Variants in AFG3L2 observed in about 807,000 individuals in gnomAD.
AFG3L2 encodes the protein mitochondrial inner membrane m-AAA protease component AFG3L2.
In AFG3L2, 54 loss-of-function variants were observed where a neutral mutation model predicts 94.5. That is an observed-to-expected ratio of 0.57 (90% CI 0.46 to 0.72). The LOEUF is 0.72. Among genes scored for constraint, AFG3L2 ranks in the 30% least tolerant of loss-of-function variants. AFG3L2 has a pLI of 0.00. For missense variants in AFG3L2, 754 were observed against 994.9 expected (o/e 0.76, Z 3.26); for synonymous variants, 377 against 365.5 (o/e 1.03, Z -0.36).
chr18:12,367,360 T>G lies in AFG3L2; in HGVS notation c.315A>C (p.Thr105=). ...CACCACCTCCTCCTCCAGAAGAGCG[T>G]GTGGTAGCAGCTGGCTTTGATTCTG... The part of the protein sequence containing the change: ...EKKESKPAAT[T]RSSGGGGGGG... Residue 105 remains threonine, a synonymous_variant, in exon 4 of 17, where the codon ACA becomes ACC. Coordinates refer to ENST00000269143, the MANE Select transcript of AFG3L2 (RefSeq NM_006796.3). 1 of 1,614,182 alleles carries G rather than the reference T, an allele frequency of 6.2e-7. No individual in the cohort carries two copies. The highest frequency in any genetic ancestry group is 1.1e-5 in the South Asian group (1 of 91,084).
intron 15 of AFG3L2, among the ~76,000 whole-genome samples, chr18:12,338,923 G>A (rs1286162068): frequency 6.6e-6 from 1 of 152,014 alleles, no homozygotes; most frequent in Non-Finnish European, 1.5e-5. Context: ...AAGCCACCAC[G>A]CCCAGCCTGA....
At chr18:12,350,286 C>T (rs1353076708) in intron 12 of AFG3L2, among the ~76,000 whole-genome samples, 1 of 152,178 alleles carries the variant, frequency 6.6e-6, no homozygotes, top group Admixed American at 6.5e-5. Context: ...GCTGGTATTA[C>T]AGGTGTGAGC....
intron 15 of AFG3L2, 124 bp downstream of exon 15, chr18:12,340,077 T>C (rs1907898241): frequency 1.1e-6 from 1 of 906,098 alleles, no homozygotes; most frequent in Admixed American, 1.8e-5. Context: ...TAAGAGATAA[T>C]CCTTGCCTAA....
At chr18:12,346,610 A>G (rs1908144228) in intron 13 of AFG3L2, among the ~76,000 whole-genome samples, 1 of 152,084 alleles carries the variant, frequency 6.6e-6, no homozygotes, top group Admixed American at 6.6e-5. Context: ...CTCCTAAAAT[A>G]CCATCGATCA....
At chr18:12,367,570 G>A (rs1181522743) in intron 3 of AFG3L2, among the ~76,000 whole-genome samples, 188 bp from the exon 4 acceptor site, 1 of 152,162 alleles carries the variant, frequency 6.6e-6, no homozygotes, top group Non-Finnish European at 1.5e-5. Context: ...GCTCCCAAGG[G>A]CTATACTTGC....
At position 12,377,209 on chromosome 18, in the gene AFG3L2, C is replaced by A; in HGVS notation, c.-127G>T. 1.4e-6 allele frequency: 1 copy of A among 719,082 alleles called. No homozygotes were observed. The allele number at this position is 719,082 out of a possible 1,614,324, so 44.5% of individuals were successfully genotyped here. ...GGCAGCGAAGCGCGCCGGCGGCTCA[C>A]GGAGGAGCCCAAGCTCTCAACGCGG... On this transcript the variant is annotated 5_prime_UTR_variant, in exon 1 of 17. Coordinates refer to ENST00000269143, the MANE Select transcript of AFG3L2 (RefSeq NM_006796.3).
chr18:12,367,394 CAA>C lies in AFG3L2; in HGVS notation c.293-14_293-13del, dbSNP rs556473698. ...AGCTGGCTTTGATTCTGTTCATAAA[CAA>C]AGAGCACACACAGAAGCACGGCAAG... On this transcript the variant is annotated splice_polypyrimidine_tract_variant and intron_variant, in intron 3 of 16. Coordinates refer to ENST00000269143, the MANE Select transcript of AFG3L2 (RefSeq NM_006796.3). 1,963 of 1,613,398 alleles carry C rather than the reference CAA, an allele frequency of 1.2e-3. 4 individuals carry two copies. The highest frequency in any genetic ancestry group is 5.0e-3 in the Admixed American group (300 of 60,026).
intron 15 of AFG3L2, among the ~76,000 whole-genome samples, chr18:12,339,011 T>C (rs1057401055): frequency 2.6e-5 from 4 of 152,102 alleles, no homozygotes; most frequent in African/African-American, 7.2e-5. Context: ...TCCCAGCACT[T>C]TGGCAGGCCA....
chr18:12,375,073 A>G (rs1909104875), intron 1 of AFG3L2, among the ~76,000 whole-genome samples: 1 of 150,378 alleles, frequency 6.6e-6, no homozygotes, highest in African/African-American at 2.4e-5. Flanking sequence ...AAAAAAAAAG[A>G]AAAGAAAAGA....
In AFG3L2 at chr18:12,369,947, C is replaced by A. The variant is rs539878139; in HGVS notation, c.292+902G>T. On this transcript the variant is annotated intron_variant, in intron 3 of 16. Coordinates refer to ENST00000269143, the MANE Select transcript of AFG3L2 (RefSeq NM_006796.3). ...GCGTGCGCCTTTAGTCCCAGCTACT[C>A]AGGAGGCTGAGGCAGGAGAATGGTG... Among the ~76,000 whole-genome samples the A allele has an allele frequency of 3.4e-5, 5 of 147,508 alleles. No individual in the cohort carries two copies. The South Asian group carries it at 1.1e-3, about 32-fold the overall frequency.
intron 12 of AFG3L2, among the ~76,000 whole-genome samples, chr18:12,350,279 G>A (rs556150727): frequency 3.9e-5 from 6 of 152,078 alleles, no homozygotes; most frequent in Non-Finnish European, 8.8e-5. Flanking sequence ...CCAAAGTGCT[G>A]GTATTACAGG....
intron 2 of AFG3L2, among the ~76,000 whole-genome samples, chr18:12,371,293 G>A (rs375184927): frequency 1.1e-3 from 153 of 141,798 alleles, no homozygotes; most frequent in African/African-American, 3.8e-3. Flanking sequence ...CAACCTGGGC[G>A]ACAAGAGCCA....
At chr18:12,342,751 T>C (rs747946072) in intron 14 of AFG3L2, 4 of 152,224 alleles carry the variant, frequency 2.6e-5, no homozygotes, top group Non-Finnish European at 5.9e-5. Context: ...GAATACTCTG[T>C]TGCCAGAACC....
intron 16 of AFG3L2, 176 bp from the exon 17 acceptor site, chr18:12,329,959 C>T (rs1907465353): frequency 1.6e-6 from 1 of 627,816 alleles, no homozygotes; most frequent in Admixed American, 2.7e-5. Flanking sequence ...ATCAAAGCAA[C>T]CAATGTCCAT....
Position 12,330,154 on chromosome 18 carries a change from GTC to G in AFG3L2, c.2176-373_2176-372del, listed in dbSNP as rs1907473815. Among the ~76,000 whole-genome samples the G allele has an allele frequency of 3.9e-5, 6 of 152,268 alleles. No homozygotes were observed. In the South Asian group the frequency reaches 1.0e-3, roughly 26 times the overall value. On this transcript the variant is annotated intron_variant, in intron 16 of 16. Transcript: ENST00000269143. Reference sequence around the variant, plus strand: ...ATCCTGGCCAACAGGGTGAAACCGTGTCTCTACTAAAAATGCAAAAAAATAGC... The same window carrying G: ...ATCCTGGCCAACAGGGTGAAACCGTGTCTACTAAAAATGCAAAAAAATAGC...
chr18:12,355,727 G>A (rs1908473058), intron 9 of AFG3L2, among the ~76,000 whole-genome samples: 1 of 150,718 alleles, frequency 6.6e-6, no homozygotes, highest in African/African-American at 2.4e-5. Flanking sequence ...GGAGTGCAGT[G>A]GCGTGATCTC....
In AFG3L2 at chr18:12,370,895, A is replaced by AT. The variant is rs775255820; in HGVS notation, c.245dup (p.Asn82LysfsTer6). 14 of 1,581,304 alleles carry AT rather than the reference A, an allele frequency of 8.9e-6. No homozygotes were observed. Among genetic ancestry groups the AT allele is most frequent in the African/African-American group, 1.3e-5 (1 of 74,082 alleles). ...CTTTAGGTTCACTAGCTTTTTTTCCATTTTTTCCATTAGGAAAGTATTTTT... is the reference window on the plus strand; with the variant it reads ...CTTTAGGTTCACTAGCTTTTTTTCCATTTTTTTCCATTAGGAAAGTATTTTT... On this transcript the variant is annotated frameshift_variant, in exon 3 of 17. Coordinates refer to ENST00000269143, the MANE Select transcript of AFG3L2 (RefSeq NM_006796.3). LOFTEE classifies it high-confidence loss of function.
At chr18:12,371,323 A>G (rs938246774) in intron 2 of AFG3L2, among the ~76,000 whole-genome samples, 3 of 152,150 alleles carry the variant, frequency 2.0e-5, no homozygotes, top group African/African-American at 7.2e-5. Context: ...TCCAAAAAAA[A>G]AAAAAAAAGC....
At chr18:12,356,373 A>G (rs1908495626) in intron 9 of AFG3L2, among the ~76,000 whole-genome samples, 1 of 152,140 alleles carries the variant, frequency 6.6e-6, no homozygotes, top group Non-Finnish European at 1.5e-5. Context: ...GCTGGTCTCG[A>G]ACTCCTGACT....
Sources: allele counts gnomAD v4.1 joint callset (sites outside exome capture counted in the v4.1 genomes callset), GRCh38; gene constraint gnomAD v4.1.1; transcripts MANE v1.5; gene names NCBI Gene and HGNC (gene_info 2026-07-23, HGNC 2026-07-21).